The following KCTD19 variants were observed in gnomAD, a reference collection of about 807,000 sequenced individuals.
The protein encoded by KCTD19 is potassium channel tetramerization domain containing 19.
Under a neutral mutation model 103.5 loss-of-function variants are expected in KCTD19, and 67 were observed. That is an observed-to-expected ratio of 0.65 (90% CI 0.53 to 0.79). The LOEUF (loss-of-function observed/expected upper bound fraction) is 0.79. Ranked by LOEUF, KCTD19 falls within the 30% of genes least tolerant of loss-of-function variation. The pLI, the probability that KCTD19 is intolerant of heterozygous loss-of-function variation, is 0.00. For missense variants in KCTD19, 980 were observed against 1,136.1 expected, an observed-to-expected ratio of 0.86 and a Z score of 1.98; for synonymous variants, 439 against 452.2, an observed-to-expected ratio of 0.97 and a Z score of 0.37.
In KCTD19 at chr16:67,320,551, T is replaced by C. The variant is rs1223059943; in HGVS notation, c.300+38A>G. On this transcript the variant is annotated intron_variant, in intron 2 of 15. Transcript: ENST00000304372. The surrounding 1 kb of genome is among the most constrained non-coding windows in gnomAD (Gnocchi z 4.0). ...AATATTTAGTGATGTAAAGCCATGT[T>C]ACTGATCCACCACTCCCAGAAAACA... 1.3e-6 allele frequency: 2 copies of C among 1,597,674 alleles called. No individual in the cohort carries two copies. Among genetic ancestry groups the C allele is most frequent in the Non-Finnish European group, 1.7e-6 (2 of 1,169,032 alleles).
chr16:67,291,110 C>G, intron 14 of KCTD19, 124 bp from the exon 15 acceptor site: 1 of 1,204,698 alleles, frequency 8.3e-7, no homozygotes, highest in Non-Finnish European at 1.2e-6. Context: ...ACTGTCACTG[C>G]AAATCTGCCT....
intron 1 of KCTD19, chr16:67,325,819 C>G (rs1168931116): frequency 6.6e-6 from 1 of 152,132 alleles, no homozygotes; most frequent in South Asian, 2.1e-4. Flanking sequence ...CGGGGTAGCC[C>G]TAAAGCAGTC....
At position 67,295,038 on chromosome 16, in the gene KCTD19, G is replaced by A; in HGVS notation, c.1410C>T (p.Cys470=). 6.2e-7 allele frequency: 1 copy of A among 1,613,872 alleles called. No homozygotes were observed. Among genetic ancestry groups the A allele is most frequent in the Non-Finnish European group, 8.5e-7 (1 of 1,179,742 alleles). The stretch of plus-strand genomic sequence containing the variant: ...GAATGTGGTATTCCTCCACCTCCTG[G>A]CAGAAGAGGGGCCATTCCCTGCAAA... ...PSEFKEWPLF[C]QEVEEYHIPS... The change falls in exon 10 of 16, where the codon TGC becomes TGT. Residue 470 remains cysteine, a synonymous_variant. Transcript: ENST00000304372.
intron 2 of KCTD19, among the ~76,000 whole-genome samples, chr16:67,316,169 G>T (rs1336465443): frequency 2.0e-5 from 3 of 151,984 alleles, no homozygotes; most frequent in African/African-American, 7.3e-5. Context: ...AGTCTCCTGA[G>T]TAGCTGGGAC....
At chr16:67,301,671 A>C in intron 5 of KCTD19, 120 bp downstream of exon 5, 1 of 916,392 alleles carries the variant, frequency 1.1e-6, no homozygotes, top group East Asian at 2.5e-5. Context: ...TCAGCCAGAA[A>C]ACCCAATCCT....
In KCTD19 at chr16:67,291,710, G is replaced by C; in HGVS notation, c.2346C>G (p.Ile782Met). 1 of 1,614,086 alleles carries C rather than the reference G, an allele frequency of 6.2e-7. No individual in the cohort carries two copies. The highest frequency in any genetic ancestry group is 1.3e-5 in the African/African-American group (1 of 75,020). Residue 782 changes from isoleucine (I) to methionine (M), a missense_variant, in exon 13 of 16, where the codon ATC (isoleucine) becomes ATG (methionine). Ile to Met is a conservative substitution (Grantham distance 10). Transcript: ENST00000304372. Reference sequence around the variant, plus strand: ...GGTTGTCCATCTCCGTGGTATAGATGATGCTGTCCTCAAAGAACATGCAGA... The same window carrying C: ...GGTTGTCCATCTCCGTGGTATAGATCATGCTGTCCTCAAAGAACATGCAGA... The part of the protein sequence containing the change: ...DGFCMFFEDS[I>M]IYTTEMDNLR...
At chr16:67,292,452 A>G (rs939617120) in intron 12 of KCTD19, among the ~76,000 whole-genome samples, 3 of 152,336 alleles carry the variant, frequency 2.0e-5, no homozygotes, top group Middle Eastern at 3.4e-3. Context: ...ACTAAGACGT[A>G]TCAAATGGGG....
chr16:67,325,751 AG>A (rs2037150043), intron 1 of KCTD19, among the ~76,000 whole-genome samples: 1 of 152,140 alleles, frequency 6.6e-6, no homozygotes, highest in African/African-American at 2.4e-5. Flanking sequence ...AGGCAAGCTT[AG>A]GGGAACCTGT....
chr16:67,325,199 C>CTTTTTTTTTTTTTTTTTTTTTTTTTTT (rs918808425), intron 1 of KCTD19, among the ~76,000 whole-genome samples: 11 of 132,330 alleles, frequency 8.3e-5, no homozygotes, highest in African/African-American at 3.1e-4. Flanking sequence ...TTCTTTTTTT[C>CTTTTTTTTTTTTTTTTTTTTTTTTTTT]TTTTTTTCTT....
intron 2 of KCTD19, among the ~76,000 whole-genome samples, chr16:67,314,828 TATAGAGAGAGAGAG>T (rs1450761822): frequency 1.1e-3 from 55 of 50,352 alleles, no homozygotes; most frequent in Non-Finnish European, 1.6e-3. Flanking sequence ...TATATATATA[TATAGAGAGAGAGAG>T]AGAGAGAGAG....
At chr16:67,318,575 AAAAG>A (rs2037037614) in intron 2 of KCTD19, among the ~76,000 whole-genome samples, 1 of 151,808 alleles carries the variant, frequency 6.6e-6, no homozygotes, top group African/African-American at 2.4e-5. Flanking sequence ...AAAAAAAAAA[AAAAG>A]AAGCTGCTTC....
Position 67,320,899 on chromosome 16 carries a change from G to A in KCTD19, c.4-14C>T, listed in dbSNP as rs777962266. On this transcript the variant is annotated splice_polypyrimidine_tract_variant and intron_variant, in intron 1 of 15. Transcript: ENST00000304372. This position sits in a 1 kb window ranked among gnomAD's most constrained non-coding sequence, Gnocchi z 4.0. Reference sequence around the variant, plus strand: ...GCCAGACTCCTCCTAAAGGGGGAATGAAAAAGAGATCTACGCAAGAAAAAG... The same window carrying A: ...GCCAGACTCCTCCTAAAGGGGGAATAAAAAAGAGATCTACGCAAGAAAAAG... 1 of 1,582,774 alleles carries A rather than the reference G, an allele frequency of 6.3e-7. No homozygotes were observed. Among genetic ancestry groups the A allele is most frequent in the Non-Finnish European group, 8.6e-7 (1 of 1,167,472 alleles).
intron 15 of KCTD19, among the ~76,000 whole-genome samples, chr16:67,290,377 A>T (rs976332127): frequency 4.0e-5 from 6 of 151,848 alleles, no homozygotes; most frequent in African/African-American, 1.2e-4. Flanking sequence ...ACGGGGTTTC[A>T]CTGTGTTAGC....
At chr16:67,289,738 T>A (rs1230027789) in intron 15 of KCTD19, 56 bp from the exon 16 acceptor site, 24 of 1,321,120 alleles carry the variant, frequency 1.8e-5, no homozygotes, top group Non-Finnish European at 2.6e-5. Flanking sequence ...CTACTCTAGC[T>A]CCATGTGGGT....
At position 67,303,400 on chromosome 16, in the gene KCTD19, G is replaced by A; in HGVS notation, c.452-63C>T. ...GAAGCCAGGGATCTGATTCCAGCAGGGCTTTCACTGACCCAGGGGCCCCAG... is the reference window on the plus strand; with the variant it reads ...GAAGCCAGGGATCTGATTCCAGCAGAGCTTTCACTGACCCAGGGGCCCCAG... On this transcript the variant is annotated intron_variant, in intron 3 of 15. Coordinates refer to ENST00000304372, the MANE Select transcript of KCTD19 (RefSeq NM_001100915.3). This position sits in a 1 kb window ranked among gnomAD's most constrained non-coding sequence, Gnocchi z 4.3. 7.0e-7 allele frequency: 1 copy of A among 1,438,760 alleles called. No homozygotes were observed. Among genetic ancestry groups the A allele is most frequent in the Non-Finnish European group, 9.5e-7 (1 of 1,057,360 alleles). The allele number at this position is 1,438,760 out of a possible 1,614,324, so 89.1% of individuals were successfully genotyped here.
chr16:67,312,187 T>C (rs1175998922), intron 2 of KCTD19, among the ~76,000 whole-genome samples: 3 of 152,166 alleles, frequency 2.0e-5, no homozygotes, highest in African/African-American at 7.2e-5. Context: ...GTCAACACAT[T>C]GTCCTCAGTG....
At chr16:67,321,846 T>C (rs2037077438) in intron 1 of KCTD19, 1 of 152,338 alleles carries the variant, frequency 6.6e-6, no homozygotes, top group East Asian at 1.9e-4. Flanking sequence ...TCGTCCTCTT[T>C]GACTGAGCAC....
intron 7 of KCTD19, 34 bp from the exon 8 acceptor site, chr16:67,296,293 T>C (rs1354683411): frequency 1.5e-6 from 2 of 1,369,690 alleles, no homozygotes; most frequent in Non-Finnish European, 2.1e-6. Context: ...CACATCATCA[T>C]ATGGCCAGAA....
At chr16:67,315,490 T>C (rs960256727) in intron 2 of KCTD19, among the ~76,000 whole-genome samples, 2 of 151,804 alleles carry the variant, frequency 1.3e-5, no homozygotes, top group South Asian at 2.1e-4. Flanking sequence ...GTTTTTTTGT[T>C]TGTTTTTTTG....
Sources: allele counts gnomAD v4.1 joint callset (sites outside exome capture counted in the v4.1 genomes callset), GRCh38; gene constraint gnomAD v4.1.1; non-coding constraint Gnocchi (gnomAD v3.1); transcripts MANE v1.5; gene names NCBI Gene and HGNC (gene_info 2026-07-23, HGNC 2026-07-21).